MAN1A2: variants seen among roughly 807,000 people sequenced by gnomAD.
MAN1A2 encodes the protein mannosyl-oligosaccharide 1,2-alpha-mannosidase IB.
In MAN1A2, 26 loss-of-function variants were observed where a neutral mutation model predicts 75.7. The observed-to-expected ratio is 0.34, with a 90% CI of 0.25 to 0.48. MAN1A2 has a LOEUF of 0.48. Ranked by LOEUF, MAN1A2 falls within the 20% of genes least tolerant of loss-of-function variation. The pLI, the probability that MAN1A2 is intolerant of heterozygous loss-of-function variation, is 0.99. For synonymous variants in MAN1A2, 247 were observed against 264.6 expected (o/e 0.93, Z 0.65); for missense variants, 562 against 775.5 (o/e 0.72, Z 3.27).
intron 10 of MAN1A2, 50 bp from the exon 11 acceptor site, chr1:117,499,332 C>T: frequency 7.6e-7 from 1 of 1,323,498 alleles, no homozygotes; most frequent in Non-Finnish European, 1.0e-6. Context: ...TCCTTGCAAA[C>T]AAACATAAAT....
chr1:117,418,774 A>T (rs1322082068), intron 4 of MAN1A2, among the ~76,000 whole-genome samples: 2 of 152,066 alleles, frequency 1.3e-5, no homozygotes, highest in East Asian at 1.9e-4. Context: ...AGAATTTCTG[A>T]TACCTTTTGT....
At chr1:117,450,406 T>C (rs1156803677) in intron 6 of MAN1A2, among the ~76,000 whole-genome samples, 2 of 152,108 alleles carry the variant, frequency 1.3e-5, no homozygotes, top group Non-Finnish European at 2.9e-5. Context: ...AAGCAGAGCA[T>C]AGAAGTTCAG....
chr1:117,466,220 A>G (rs367595332), intron 7 of MAN1A2, 114 bp from the exon 8 acceptor site: 2 of 638,930 alleles, frequency 3.1e-6, no homozygotes, highest in African/African-American at 1.9e-5. Context: ...CACACACACA[A>G]AGGCAGGGAA....
chr1:117,503,032 A>G, intron 12 of MAN1A2, 62 bp downstream of exon 12: 1 of 795,328 alleles, frequency 1.3e-6, no homozygotes, highest in Non-Finnish European at 2.0e-6. Context: ...TGATCACTAG[A>G]TGATGAATTA....
chr1:117,388,585 G>A (rs1454509157), intron 1 of MAN1A2, among the ~76,000 whole-genome samples: 3 of 152,092 alleles, frequency 2.0e-5, no homozygotes, highest in Non-Finnish European at 4.4e-5. Context: ...GAGTGAGTGG[G>A]AGATGTCACA....
At chr1:117,427,458 A>C (rs1376421212) in intron 5 of MAN1A2, among the ~76,000 whole-genome samples, 1 of 152,250 alleles carries the variant, frequency 6.6e-6, no homozygotes, top group Non-Finnish European at 1.5e-5. Flanking sequence ...AAGAAAGAGA[A>C]TTAAATATTT....
chr1:117,477,405 C>T (rs747007478), intron 8 of MAN1A2, among the ~76,000 whole-genome samples: 6 of 151,836 alleles, frequency 4.0e-5, no homozygotes, highest in Non-Finnish European at 5.9e-5. Context: ...ACTGGCAAAC[C>T]GAATCCAGCA....
intron 5 of MAN1A2, among the ~76,000 whole-genome samples, chr1:117,441,504 G>A (rs1649033171): frequency 6.6e-6 from 1 of 152,060 alleles, no homozygotes; most frequent in South Asian, 2.1e-4. Flanking sequence ...GTCACAGTTT[G>A]GAATCTGTAA....
At chr1:117,412,027 A>G (rs1015148815) in intron 3 of MAN1A2, among the ~76,000 whole-genome samples, 4 of 151,784 alleles carry the variant, frequency 2.6e-5, no homozygotes, top group African/African-American at 9.7e-5. Flanking sequence ...TTTTCCGCCA[A>G]TGATATAAAG....
chr1:117,425,046 T>C (rs1182952667), intron 5 of MAN1A2, among the ~76,000 whole-genome samples: 1 of 149,820 alleles, frequency 6.7e-6, no homozygotes, highest in Non-Finnish European at 1.5e-5. Flanking sequence ...TAAAACCGAT[T>C]TCTTTTTCCA....
chr1:117,381,803 C>T (rs2101726671), intron 1 of MAN1A2, among the ~76,000 whole-genome samples: 1 of 152,220 alleles, frequency 6.6e-6, no homozygotes, highest in Admixed American at 6.5e-5. Context: ...GTCCCACCAA[C>T]AGTGTAAAAG....
chr1:117,401,582 A>G (rs918749159), intron 1 of MAN1A2, among the ~76,000 whole-genome samples: 4 of 152,208 alleles, frequency 2.6e-5, no homozygotes, highest in African/African-American at 9.6e-5. Context: ...TGTGTACACC[A>G]GAATCATCTG....
chr1:117,489,819 C>A (rs1011095655), intron 8 of MAN1A2, among the ~76,000 whole-genome samples: 1 of 151,998 alleles, frequency 6.6e-6, no homozygotes, highest in African/African-American at 2.4e-5. Flanking sequence ...TATGCTTTTT[C>A]TTTCCCATAA....
chr1:117,439,641 G>A (rs376881346), intron 5 of MAN1A2, among the ~76,000 whole-genome samples: 2 of 151,762 alleles, frequency 1.3e-5, no homozygotes, highest in African/African-American at 2.4e-5. Context: ...CTATAGGCGC[G>A]CACCACCACA....
rs1405036958 is a variant in MAN1A2, at chr1:117,496,940, G to A, written c.1462G>A (p.Ala488Thr). 6.2e-7 allele frequency: 1 copy of A among 1,612,232 alleles called. No homozygotes were observed. The highest frequency in any genetic ancestry group is 1.1e-5 in the South Asian group (1 of 90,968). Residue 488 changes from alanine (A) to threonine (T), a missense_variant, in exon 10 of 13, where the codon GCA becomes ACA. Ala to Thr is a moderately conservative substitution (Grantham distance 58). Transcript: ENST00000356554. ...AGCTGGTCATTATTTAGAGCTAGGG[G>A]CAGAAATTGCACGTACTTGTCATGA... ...DKAGHYLELGAEIARTCHESY... is the reference protein window; with the variant it reads ...DKAGHYLELGTEIARTCHESY...
chr1:117,479,873 G>A (rs1432598420), intron 8 of MAN1A2, among the ~76,000 whole-genome samples: 1 of 151,744 alleles, frequency 6.6e-6, no homozygotes, highest in Non-Finnish European at 1.5e-5. Flanking sequence ...TTTGCTTAGG[G>A]TTACAGTTAA....
chr1:117,474,044 C>CT (rs1340716864), intron 8 of MAN1A2, among the ~76,000 whole-genome samples: 1 of 151,996 alleles, frequency 6.6e-6, no homozygotes, highest in Non-Finnish European at 1.5e-5. Context: ...GTAAAACAGA[C>CT]TGACAGCTGG....
chr1:117,418,255 G>A (rs914810212), intron 4 of MAN1A2, among the ~76,000 whole-genome samples: 1 of 152,078 alleles, frequency 6.6e-6, no homozygotes, highest in East Asian at 1.9e-4. Context: ...TCTCTTTTTT[G>A]TGTTTGTGTT....
chr1:117,511,365 C>G (rs190961558), intron 12 of MAN1A2, among the ~76,000 whole-genome samples: 43 of 152,026 alleles, frequency 2.8e-4, no homozygotes, highest in Admixed American at 2.0e-3. Context: ...GGTAGAGATG[C>G]GGGTCTTGCT....
Sources: allele counts gnomAD v4.1 joint callset (sites outside exome capture counted in the v4.1 genomes callset), GRCh38; gene constraint gnomAD v4.1.1; transcripts MANE v1.5; gene names NCBI Gene and HGNC (gene_info 2026-07-23, HGNC 2026-07-21).